Variants in SLC26A4 observed in about 807,000 individuals in gnomAD.
The protein encoded by SLC26A4 is pendrin.
SLC26A4 carries 93 observed loss-of-function variants against 90.4 expected under a neutral mutation model. The ratio of observed to expected loss-of-function variants is 1.03; its 90% CI spans 0.87 to 1.22. The LOEUF is 1.22. Ranked by LOEUF, SLC26A4 falls within the 50% of genes most tolerant of loss-of-function variation. The probability of loss-of-function intolerance (pLI) is 0.00; values close to 1 mark genes in which losing one functional copy is unlikely to be tolerated. For synonymous variants in SLC26A4, 393 were observed against 354.6 expected (o/e 1.11, Z -1.22); for missense variants, 1,127 against 946.2 (o/e 1.19, Z -2.51).
At position 107,715,435 on chromosome 7, in the gene SLC26A4, C is replaced by G; in HGVS notation, c.2332C>G (p.Leu778Val). The change falls in exon 21 of 21, where the codon CTT (leucine) becomes GTT (valine). Residue 778 changes from leucine to valine, a missense_variant. Physicochemically the swap from Leu to Val is conservative, Grantham distance 32. Transcript: ENST00000644269. ...CTTGCTTCCACAGGCTATGCGTACA[C>G]TTGCATCCTGAAAGTGGGTTCGGGA... ...LDVQDEAMRT[L>V]AS 1 of 1,613,446 alleles carries G rather than the reference C, an allele frequency of 6.2e-7. No individual in the cohort carries two copies. The highest frequency in any genetic ancestry group is 8.5e-7 in the Non-Finnish European group (1 of 1,179,408).
chr7:107,661,238 C>G lies in SLC26A4; in HGVS notation c.-4+383C>G. 1 of 262,406 alleles carries G rather than the reference C, an allele frequency of 3.8e-6. No individual in the cohort carries two copies. The allele number at this position is 262,406 out of a possible 1,614,324, so 16.3% of individuals were successfully genotyped here. On this transcript the variant is annotated intron_variant, in intron 1 of 20. Coordinates refer to ENST00000644269, the MANE Select transcript of SLC26A4 (RefSeq NM_000441.2). This position sits in a 1 kb window ranked among gnomAD's most constrained non-coding sequence, Gnocchi z 5.1. ...GGGAGGGAGGGAATCTCAGTGTCCC[C>G]TTCCAGCCTTGCAAGCGCCTTTGGC...
intron 19 of SLC26A4, among the ~76,000 whole-genome samples, chr7:107,710,775 T>C (rs1161983531): frequency 2.0e-5 from 3 of 152,226 alleles, no homozygotes; most frequent in Non-Finnish European, 1.5e-5. Flanking sequence ...ATTATTTTGT[T>C]AATTTTTCTG....
chr7:107,661,579 C>A lies in SLC26A4; in HGVS notation c.-3-60C>A. 1 of 1,504,716 alleles carries A rather than the reference C, an allele frequency of 6.6e-7. No homozygotes were observed. The highest frequency in any genetic ancestry group is 8.9e-7 in the Non-Finnish European group (1 of 1,117,792). 93.2% of individuals were successfully genotyped at this position (1,504,716 alleles called of 1,614,324 possible). A position where few individuals can be genotyped will look rare whatever the true frequency, so the allele number is the denominator to read the frequency against. On this transcript the variant is annotated intron_variant, in intron 1 of 20. Coordinates refer to ENST00000644269, the MANE Select transcript of SLC26A4 (RefSeq NM_000441.2). This position sits in a 1 kb window ranked among gnomAD's most constrained non-coding sequence, Gnocchi z 5.1. ...CCCGTTCTTTCTGTTCCTCGCTCTT[C>A]CCCTCCGATCGTCCTCGCTTACCGC...
At chr7:107,715,316 G>A (rs1792318438) in intron 20 of SLC26A4, 107 bp from the exon 21 acceptor site, 4 of 854,212 alleles carry the variant, frequency 4.7e-6, no homozygotes, top group Non-Finnish European at 8.2e-6. Context: ...CCTAAGATGA[G>A]TAGCAGTAAG....
At chr7:107,692,007 T>C in intron 10 of SLC26A4, 1 of 1,289,166 alleles carries the variant, frequency 7.8e-7, no homozygotes, top group Non-Finnish European at 1.0e-6. Context: ...TGCAGGCAAA[T>C]CTCAAACTGC....
chr7:107,709,142 A>G (rs1047155997), intron 18 of SLC26A4, among the ~76,000 whole-genome samples: 2 of 152,170 alleles, frequency 1.3e-5, no homozygotes, highest in African/African-American at 4.8e-5. Flanking sequence ...TTTCACAGGG[A>G]GCACCACCAC....
rs1791561470 is a variant in SLC26A4, at chr7:107,691,154, C to CA, written c.1263+918dup. ...ACACACACACACACATGCACACACA[C>CA]ATGCACAGTCTTCACAGTCTTCAAA... On this transcript the variant is annotated intron_variant, in intron 10 of 20. Transcript: ENST00000644269. Among the ~76,000 whole-genome samples, 9 of 150,158 alleles carry CA rather than the reference C, an allele frequency of 6.0e-5. No individual in the cohort carries two copies. In the South Asian group the frequency reaches 1.9e-3, roughly 32 times the overall value.
chr7:107,705,997 A>T (rs1177704638), intron 18 of SLC26A4, among the ~76,000 whole-genome samples: 1 of 152,226 alleles, frequency 6.6e-6, no homozygotes, highest in East Asian at 1.9e-4. Flanking sequence ...CTTGGTCTTC[A>T]TTGGAGTGTT....
chr7:107,704,131 T>A (rs1050144873), intron 17 of SLC26A4, among the ~76,000 whole-genome samples, 200 bp from the exon 18 acceptor site: 4 of 152,312 alleles, frequency 2.6e-5, no homozygotes, highest in South Asian at 2.1e-4. Context: ...CGCTGGATGT[T>A]GCCATCTCTT....
intron 20 of SLC26A4, among the ~76,000 whole-genome samples, chr7:107,713,554 C>G (rs370001736): frequency 3.7e-4 from 57 of 152,334 alleles, no homozygotes; most frequent in African/African-American, 1.4e-3. Flanking sequence ...TCCTTCTATT[C>G]CTTACAAACA....
chr7:107,702,758 A>T (rs904286093), intron 17 of SLC26A4, among the ~76,000 whole-genome samples: 1 of 151,566 alleles, frequency 6.6e-6, no homozygotes, highest in African/African-American at 2.4e-5. Flanking sequence ...ATTATGTTTT[A>T]TCTTTCTGAG....
At chr7:107,668,687 G>C (rs746200144) in intron 3 of SLC26A4, among the ~76,000 whole-genome samples, 18 of 152,180 alleles carry the variant, frequency 1.2e-4, no homozygotes, top group Non-Finnish European at 1.6e-4. Context: ...GGAGTCTGCT[G>C]TCTGCTTTCT....
At chr7:107,712,880 A>G (rs1792230856) in intron 20 of SLC26A4, among the ~76,000 whole-genome samples, 1 of 152,190 alleles carries the variant, frequency 6.6e-6, no homozygotes, top group South Asian at 2.1e-4. Flanking sequence ...CTGATTTGAT[A>G]CCTACACCTC....
At chr7:107,663,535 G>A in intron 3 of SLC26A4, 100 bp downstream of exon 3, 2 of 1,312,750 alleles carry the variant, frequency 1.5e-6, no homozygotes, top group Non-Finnish European at 2.2e-6. Flanking sequence ...TACCCTTCAA[G>A]GCCTGTATCT....
At chr7:107,664,516 G>A (rs1354503278) in intron 3 of SLC26A4, among the ~76,000 whole-genome samples, 2 of 151,988 alleles carry the variant, frequency 1.3e-5, no homozygotes, top group Non-Finnish European at 2.9e-5. Context: ...ACAGGCATGA[G>A]CCACCATGCC....
Position 107,715,775 on chromosome 7 carries a change from C to A in SLC26A4, c.*329C>A. 2.6e-6 allele frequency: 1 copy of A among 384,438 alleles called. No individual in the cohort carries two copies. The highest frequency in any genetic ancestry group is 4.8e-6 in the Non-Finnish European group (1 of 210,216). 23.8% of individuals were successfully genotyped at this position (384,438 alleles called of 1,614,324 possible). A position where few individuals can be genotyped will look rare whatever the true frequency, so the allele number is the denominator to read the frequency against. On this transcript the variant is annotated 3_prime_UTR_variant, in exon 21 of 21. Coordinates refer to ENST00000644269, the MANE Select transcript of SLC26A4 (RefSeq NM_000441.2). Reference sequence around the variant, plus strand: ...GTTAGAGTGAGTGCTGACCCAACAGCCTCTGTGGTCAAGCGAGTCACGAAT... The same window carrying A: ...GTTAGAGTGAGTGCTGACCCAACAGACTCTGTGGTCAAGCGAGTCACGAAT...
At chr7:107,692,907 A>T (rs1445292253) in intron 10 of SLC26A4, 1 of 152,184 alleles carries the variant, frequency 6.6e-6, no homozygotes, top group African/African-American at 2.4e-5. Flanking sequence ...TTGGCCTCCC[A>T]TAATTGGAGA....
At chr7:107,680,776 T>C (rs1584315107) in intron 6 of SLC26A4, among the ~76,000 whole-genome samples, 2 of 152,174 alleles carry the variant, frequency 1.3e-5, no homozygotes, top group African/African-American at 4.8e-5. Flanking sequence ...TGGAATCCTG[T>C]AGTGATTATT....
chr7:107,682,603 A>T (rs2129314295), intron 6 of SLC26A4, among the ~76,000 whole-genome samples: 1 of 152,154 alleles, frequency 6.6e-6, no homozygotes, highest in East Asian at 1.9e-4. Flanking sequence ...TTTAGGAAAG[A>T]ACTTTACCTA....
Sources: allele counts gnomAD v4.1 joint callset (sites outside exome capture counted in the v4.1 genomes callset), GRCh38; gene constraint gnomAD v4.1.1; non-coding constraint Gnocchi (gnomAD v3.1); transcripts MANE v1.5; gene names NCBI Gene and HGNC (gene_info 2026-07-23, HGNC 2026-07-21).